ZBTB20: variants seen among roughly 807,000 people sequenced by gnomAD.
ZBTB20 encodes zinc finger and BTB domain-containing protein 20.
In ZBTB20, 9 loss-of-function variants were observed where a neutral mutation model predicts 56.9. The ratio of observed to expected loss-of-function variants is 0.16; its 90% CI spans 0.10 to 0.28. The LOEUF (loss-of-function observed/expected upper bound fraction) is 0.28, where lower values mean the gene tolerates loss of function less well. Among genes scored for constraint, ZBTB20 ranks in the 10% least tolerant of loss-of-function variants. The pLI is 1.00. For synonymous variants in ZBTB20, 417 were observed against 420.7 expected (o/e 0.99, Z 0.11); for missense variants, 655 against 1,003.0 (o/e 0.65, Z 4.69).
intron 6 of ZBTB20, among the ~76,000 whole-genome samples, chr3:114,543,238 C>CT (rs997572973): frequency 7.3e-5 from 11 of 151,598 alleles, no homozygotes; most frequent in East Asian, 5.8e-4. Context: ...TTTAATTTGT[C>CT]TTTTTTTTGG....
intron 6 of ZBTB20, chr3:114,518,589 TGTACTAGAAG>T (rs2109896649): frequency 6.6e-6 from 1 of 152,254 alleles, no homozygotes; most frequent in South Asian, 2.1e-4. Context: ...GTGGCATGCA[TGTACTAGAAG>T]GTAAGCTCCA....
rs1402019266 is a variant in ZBTB20, at chr3:114,329,688, A to T, written c.*9317T>A. On this transcript the variant is annotated 3_prime_UTR_variant, in exon 12 of 12. Coordinates refer to ENST00000675478, the MANE Select transcript of ZBTB20 (RefSeq NM_001348800.3). Reference sequence around the variant, plus strand: ...CCTCTGTGGATAAAGAGTTCCTGAAACTCTGGTTTTACTTTTTTTGGAAAA... The same window carrying T: ...CCTCTGTGGATAAAGAGTTCCTGAATCTCTGGTTTTACTTTTTTTGGAAAA... 1 of 135,270 alleles carries T rather than the reference A, an allele frequency of 7.4e-6. No homozygotes were observed. The highest frequency in any genetic ancestry group is 2.8e-5 in the African/African-American group (1 of 35,628). 8.4% of individuals were successfully genotyped at this position (135,270 alleles called of 1,614,324 possible). A position where few individuals can be genotyped will look rare whatever the true frequency, so the allele number is the denominator to read the frequency against.
intron 3 of ZBTB20, among the ~76,000 whole-genome samples, chr3:114,972,558 G>GT (rs1028646482): frequency 6.6e-6 from 1 of 151,950 alleles, no homozygotes; most frequent in Non-Finnish European, 1.5e-5. Context: ...ATATTATTTG[G>GT]TTTTTTGAGC....
intron 6 of ZBTB20, among the ~76,000 whole-genome samples, chr3:114,569,111 T>C (rs1357532285): frequency 6.6e-6 from 1 of 152,228 alleles, no homozygotes; most frequent in Non-Finnish European, 1.5e-5. Context: ...GAGTTGTTAA[T>C]GGTTAATAAT....
At chr3:114,816,625 A>G (rs776270923) in intron 4 of ZBTB20, among the ~76,000 whole-genome samples, 1 of 152,176 alleles carries the variant, frequency 6.6e-6, no homozygotes, top group Non-Finnish European at 1.5e-5. Context: ...AATCTCATGA[A>G]AGCCCAAAGT....
intron 6 of ZBTB20, among the ~76,000 whole-genome samples, chr3:114,580,050 G>A (rs1232596371): frequency 6.6e-6 from 1 of 151,594 alleles, no homozygotes; most frequent in East Asian, 1.9e-4. Context: ...TATTGTCACA[G>A]CAAAACTCTA....
At chr3:114,987,897 A>G (rs532440022) in intron 2 of ZBTB20, among the ~76,000 whole-genome samples, 3 of 152,282 alleles carry the variant, frequency 2.0e-5, no homozygotes, top group African/African-American at 7.2e-5. Context: ...GAAATAATTT[A>G]TCTGCCTCTG....
At chr3:115,018,929 A>G (rs549053927) in intron 2 of ZBTB20, among the ~76,000 whole-genome samples, 1 of 151,304 alleles carries the variant, frequency 6.6e-6, no homozygotes, top group South Asian at 2.1e-4. Flanking sequence ...GCTCTTGGAG[A>G]ACATTTTGTT....
chr3:114,415,864 C>T (rs1225921628), intron 7 of ZBTB20, among the ~76,000 whole-genome samples: 1 of 152,082 alleles, frequency 6.6e-6, no homozygotes, highest in African/African-American at 2.4e-5. Context: ...CTCTTTGAAT[C>T]ACCTGAAAGT....
chr3:115,025,184 G>C (rs2080369920), intron 2 of ZBTB20, among the ~76,000 whole-genome samples: 1 of 151,376 alleles, frequency 6.6e-6, no homozygotes, highest in Non-Finnish European at 1.5e-5. Flanking sequence ...TTATAAATGA[G>C]AACATATGGT....
intron 6 of ZBTB20, among the ~76,000 whole-genome samples, chr3:114,532,340 T>C (rs1387967143): frequency 6.6e-6 from 1 of 151,728 alleles, no homozygotes; most frequent in Admixed American, 6.6e-5. Context: ...AAGTAGGTGG[T>C]TTTCCCCTCA....
chr3:115,078,364 G>A (rs1348222579), intron 1 of ZBTB20, among the ~76,000 whole-genome samples: 1 of 152,006 alleles, frequency 6.6e-6, no homozygotes, highest in Non-Finnish European at 1.5e-5. Flanking sequence ...TATATATAAA[G>A]TGTGCCTAAA....
chr3:114,710,692 C>T (rs1303140876), intron 5 of ZBTB20, among the ~76,000 whole-genome samples: 1 of 152,176 alleles, frequency 6.6e-6, no homozygotes, highest in Non-Finnish European at 1.5e-5. Flanking sequence ...ACTGCCATTG[C>T]CCTTTGCATA....
At chr3:114,971,912 G>A (rs545784943) in intron 3 of ZBTB20, among the ~76,000 whole-genome samples, 1 of 152,278 alleles carries the variant, frequency 6.6e-6, no homozygotes, top group South Asian at 2.1e-4. Context: ...CTGGATGCCT[G>A]GAACCAGGAA....
At chr3:115,010,531 C>T (rs1324987402) in intron 2 of ZBTB20, among the ~76,000 whole-genome samples, 1 of 151,960 alleles carries the variant, frequency 6.6e-6, no homozygotes, top group Admixed American at 6.6e-5. Context: ...TCTCCCAGAT[C>T]TTAGCCAAGA....
rs543093116 is a variant in ZBTB20 at position 114,647,610 on chromosome 3, G to T, written c.-295+45918C>A. ...AATCAAACTCCACTATTTATTATTG[G>T]TGTGATCTTGAATACATTAGCCAAC... On this transcript the variant is annotated intron_variant, in intron 6 of 11. Transcript: ENST00000675478. Among the ~76,000 whole-genome samples, 15 of 152,284 alleles carry T rather than the reference G, an allele frequency of 9.9e-5. No homozygotes were observed. In the East Asian group the frequency reaches 1.9e-3, roughly 20 times the overall value.
chr3:114,472,763 A>G (rs1460759869), intron 7 of ZBTB20, among the ~76,000 whole-genome samples: 1 of 152,106 alleles, frequency 6.6e-6, no homozygotes, highest in Non-Finnish European at 1.5e-5. Flanking sequence ...GTGTGGCCCA[A>G]TACAGCATGC....
At chr3:114,468,243 T>C (rs138506990) in intron 7 of ZBTB20, among the ~76,000 whole-genome samples, 1 of 152,286 alleles carries the variant, frequency 6.6e-6, no homozygotes, top group Admixed American at 6.5e-5. Flanking sequence ...TTATTCTTCA[T>C]TGTATTCTCT....
chr3:114,771,564 T>C (rs2069200530), intron 5 of ZBTB20, among the ~76,000 whole-genome samples: 1 of 152,212 alleles, frequency 6.6e-6, no homozygotes, highest in South Asian at 2.1e-4. Context: ...AGATGGCAGA[T>C]TGCAGGGGTG....
Sources: allele counts gnomAD v4.1 joint callset (sites outside exome capture counted in the v4.1 genomes callset), GRCh38; gene constraint gnomAD v4.1.1; transcripts MANE v1.5; gene names NCBI Gene and HGNC (gene_info 2026-07-23, HGNC 2026-07-21).